Variants in ITK observed in about 807,000 individuals in gnomAD.
ITK encodes IL2 inducible T cell kinase, also known as tyrosine-protein kinase ITK/TSK.
In ITK, 45 loss-of-function variants were observed where a neutral mutation model predicts 87.6. The observed-to-expected ratio is 0.51, with a 90% CI of 0.40 to 0.66. The LOEUF (loss-of-function observed/expected upper bound fraction) is 0.66, where lower values mean the gene tolerates loss of function less well. Ranked by LOEUF, ITK falls within the 30% of genes least tolerant of loss-of-function variation. ITK has a pLI of 0.00. For synonymous variants in ITK, 303 were observed against 273.6 expected (o/e 1.11, Z -1.06); for missense variants, 605 against 766.3 (o/e 0.79, Z 2.48).
rs965653154 is a variant in ITK at position 157,254,884 on chromosome 5, C to T, written c.*2206C>T. 5 of 216,096 alleles carry T rather than the reference C, an allele frequency of 2.3e-5. No homozygotes were observed. The highest frequency in any genetic ancestry group is 1.2e-4 in the Admixed American group (2 of 17,158). 13.4% of individuals were successfully genotyped at this position (216,096 alleles called of 1,614,324 possible). A position where few individuals can be genotyped will look rare whatever the true frequency, so the allele number is the denominator to read the frequency against. On this transcript the variant is annotated 3_prime_UTR_variant, in exon 17 of 17. Coordinates refer to ENST00000422843, the MANE Select transcript of ITK (RefSeq NM_005546.4). Reference sequence around the variant, plus strand: ...TTCTTCACCTCCTGGTGCCCTATCCCGCAAAATGGGCTTCCTGCCTGGTTT... The same window carrying T: ...TTCTTCACCTCCTGGTGCCCTATCCTGCAAAATGGGCTTCCTGCCTGGTTT...
intron 4 of ITK, among the ~76,000 whole-genome samples, chr5:157,215,286 T>C (rs988501187): frequency 6.6e-6 from 1 of 152,230 alleles, no homozygotes; most frequent in African/African-American, 2.4e-5. Context: ...CTTTCTCATT[T>C]ATTCTTTTGT....
chr5:157,229,392 A>G (rs1754602107), intron 7 of ITK, among the ~76,000 whole-genome samples: 1 of 152,234 alleles, frequency 6.6e-6, no homozygotes, highest in Non-Finnish European at 1.5e-5. Flanking sequence ...GCAAAAAGGT[A>G]TCTTGTGTCT....
chr5:157,201,042 T>C (rs1300574516), intron 1 of ITK, among the ~76,000 whole-genome samples: 1 of 152,124 alleles, frequency 6.6e-6, no homozygotes, highest in African/African-American at 2.4e-5. Flanking sequence ...AAATGCAATG[T>C]TGGCTCACTA....
In ITK at chr5:157,232,348, A is replaced by G. The variant is rs1561660486; in HGVS notation, c.722A>G (p.Asn241Ser). ...PNNLETYEWY[N>S]KSISRDKAEK... is the part of the protein sequence containing the mutation. ...CTTTTCCTTGCTTTCAGGTGGTACA[A>G]TAAGAGTATCAGCCGAGACAAAGCT... Residue 241 changes from asparagine to serine, a missense_variant, in exon 8 of 17, where the codon AAT becomes AGT. Around this residue, in one of 3 missense-constraint regions of ITK, gnomAD observed 464 missense variants for 578.0 expected, o/e 0.80. Transcript: ENST00000422843. 4 of 1,610,396 alleles carry G rather than the reference A, an allele frequency of 2.5e-6. No individual in the cohort carries two copies. The highest frequency in any genetic ancestry group is 2.5e-6 in the Non-Finnish European group (3 of 1,176,928).
At chr5:157,196,697 A>G (rs1223301108) in intron 1 of ITK, among the ~76,000 whole-genome samples, 1 of 152,220 alleles carries the variant, frequency 6.6e-6, no homozygotes, top group African/African-American at 2.4e-5. Context: ...CTGTTCCTTC[A>G]ATCAATTAAC....
chr5:157,207,042 A>G (rs539370271), intron 1 of ITK, among the ~76,000 whole-genome samples: 1 of 152,330 alleles, frequency 6.6e-6, no homozygotes, highest in Non-Finnish European at 1.5e-5. Context: ...AAAACAAAAA[A>G]ACTAATATGC....
In ITK at chr5:157,245,956, C is replaced by T. The variant is rs753357815; in HGVS notation, c.1590C>T (p.Phe530=). 3.1e-6 allele frequency: 5 copies of T among 1,614,016 alleles called. No homozygotes were observed. In the African/African-American group the frequency reaches 5.3e-5, roughly 17 times the overall value. ...FPVKWASPEV[F]SFSRYSSKSD... is the part of the protein sequence containing the mutation. ...TGAAGTGGGCATCCCCAGAGGTTTT[C>T]TCTTTCAGTCGCTATAGCAGCAAGT... The change falls in exon 15 of 17, where the codon TTC becomes TTT. Residue 530 remains phenylalanine, a synonymous_variant. Transcript: ENST00000422843.
chr5:157,249,957 T>G (rs1000063941), intron 16 of ITK, among the ~76,000 whole-genome samples: 1 of 152,210 alleles, frequency 6.6e-6, no homozygotes, highest in Non-Finnish European at 1.5e-5. Flanking sequence ...AGTCTTTATT[T>G]TTTAACAAAG....
chr5:157,247,047 T>A (rs561228553), intron 15 of ITK, among the ~76,000 whole-genome samples: 6 of 152,304 alleles, frequency 3.9e-5, no homozygotes, highest in Admixed American at 3.3e-4. Flanking sequence ...ACAAGAATTA[T>A]ACTGTGGACA....
chr5:157,193,103 T>G (rs993633903), intron 1 of ITK, among the ~76,000 whole-genome samples: 1 of 152,156 alleles, frequency 6.6e-6, no homozygotes, highest in African/African-American at 2.4e-5. Context: ...ACACCTATAG[T>G]CCAGCTATTT....
chr5:157,186,955 G>A (rs888094738), intron 1 of ITK, among the ~76,000 whole-genome samples: 20 of 152,184 alleles, frequency 1.3e-4, no homozygotes, highest in Admixed American at 5.9e-4. Flanking sequence ...TCCCTACAGC[G>A]GCTCTCCCCA....
intron 13 of ITK, 29 bp downstream of exon 13, chr5:157,244,507 G>A (rs1754982994): frequency 1.6e-6 from 2 of 1,276,732 alleles, no homozygotes; most frequent in Non-Finnish European, 2.3e-6. Context: ...AACACCCACA[G>A]GTCCAGGGTA....
intron 1 of ITK, among the ~76,000 whole-genome samples, chr5:157,184,809 G>A (rs407660): frequency 0.19 from 28,428 of 152,178 alleles, 3,531 homozygotes; most frequent in African/African-American, 0.35. Context: ...CACCACCTTG[G>A]TCTTCTGAAA....
intron 3 of ITK, chr5:157,213,813 T>TG (rs1036150805): frequency 2.8e-6 from 1 of 354,024 alleles, no homozygotes; most frequent in South Asian, 2.3e-5. Context: ...GTAGGAGAGG[T>TG]GGGGGGTGGT....
At chr5:157,201,946 A>G (rs1261097093) in intron 1 of ITK, among the ~76,000 whole-genome samples, 2 of 152,168 alleles carry the variant, frequency 1.3e-5, no homozygotes, top group African/African-American at 4.8e-5. Context: ...CACCCAGGTA[A>G]TAAGCATAGT....
intron 1 of ITK, among the ~76,000 whole-genome samples, chr5:157,205,533 T>A (rs1268413017): frequency 6.6e-6 from 1 of 152,210 alleles, no homozygotes; most frequent in Non-Finnish European, 1.5e-5. Context: ...TATGAAGACA[T>A]GACGAAATGC....
At chr5:157,250,928 A>G (rs1253404905) in intron 16 of ITK, among the ~76,000 whole-genome samples, 1 of 152,190 alleles carries the variant, frequency 6.6e-6, no homozygotes, top group Non-Finnish European at 1.5e-5. Flanking sequence ...TTATCTATTT[A>G]CCTGCCAAAG....
chr5:157,211,540 C>T lies in ITK; in HGVS notation c.325+172C>T, dbSNP rs1754192632. ...GGGCCCAGGAAGCAATAACTGGTATCATTCAGGGATTGACCAAATCCAGCC... is the reference window on the plus strand; with the variant it reads ...GGGCCCAGGAAGCAATAACTGGTATTATTCAGGGATTGACCAAATCCAGCC... On this transcript the variant is annotated intron_variant, in intron 3 of 16. Transcript: ENST00000422843. The T allele has an allele frequency of 2.4e-5, 16 of 653,206 alleles. No homozygotes were observed. The South Asian group carries it at 2.7e-4, about 11-fold the overall frequency. 40.5% of individuals were successfully genotyped at this position (653,206 alleles called of 1,614,324 possible). A position where few individuals can be genotyped will look rare whatever the true frequency, so the allele number is the denominator to read the frequency against.
At position 157,209,687 on chromosome 5, in the gene ITK, T is replaced by C. The variant is rs553469605; in HGVS notation, c.243+694T>C. Among the ~76,000 whole-genome samples, 3 of 152,268 alleles carry C rather than the reference T, an allele frequency of 2.0e-5. No homozygotes were observed. The South Asian group carries it at 6.2e-4, about 32-fold the overall frequency. The stretch of plus-strand genomic sequence containing the variant: ...ATTGCAATTGCTGGGTATGAATTGC[T>C]TGGAGATTCTGAGGCAAAAAGATTC... On this transcript the variant is annotated intron_variant, in intron 2 of 16. Coordinates refer to ENST00000422843, the MANE Select transcript of ITK (RefSeq NM_005546.4).
Sources: allele counts gnomAD v4.1 joint callset (sites outside exome capture counted in the v4.1 genomes callset), GRCh38; gene constraint gnomAD v4.1.1; regional missense constraint gnomAD v4.1.1; transcripts MANE v1.5; gene names NCBI Gene and HGNC (gene_info 2026-07-23, HGNC 2026-07-21).